The following UPF3B variants were observed in gnomAD, a reference collection of about 807,000 sequenced individuals.
UPF3B encodes the protein UPF3B regulator of nonsense mediated mRNA decay.
UPF3B carries 7 observed loss-of-function variants against 40.3 expected under a neutral mutation model. The ratio of observed to expected loss-of-function variants is 0.17; its 90% CI spans 0.10 to 0.33. The LOEUF (loss-of-function observed/expected upper bound fraction) is 0.33, where lower values mean the gene tolerates loss of function less well. Among genes scored for constraint, UPF3B ranks in the 10% least tolerant of loss-of-function variants. The probability of loss-of-function intolerance (pLI) is 1.00; values close to 1 mark genes in which losing one functional copy is unlikely to be tolerated. For synonymous variants in UPF3B, 117 were observed against 117.3 expected (o/e 1.00, Z 0.01); for missense variants, 229 against 358.9 (o/e 0.64, Z 2.93).
chrX:119,811,195 C>T (rs1045477361), intron 5 of UPF3B, among the ~76,000 whole-genome samples: 2 of 110,649 alleles, frequency 1.8e-5, no homozygotes, highest in African/African-American at 6.6e-5. Flanking sequence ...CGCGACACAA[C>T]ACACAGCAAT....
chrX:119,818,213 T>G (rs903664657), intron 4 of UPF3B, among the ~76,000 whole-genome samples: 3 of 110,431 alleles, frequency 2.7e-5, no homozygotes, highest in Non-Finnish European at 5.7e-5. Context: ...TGTGGTGAGC[T>G]GAGATCATGC....
In UPF3B at chrX:119,838,156, A is replaced by T. The variant is rs931545462; in HGVS notation, c.1008-105T>A. 2.9e-6 allele frequency: 3 copies of T among 1,050,941 alleles called. No homozygotes were observed. In the African/African-American group the frequency reaches 5.6e-5, roughly 19 times the overall value. The allele number at this position is 1,050,941 out of a possible 1,213,427, so 86.6% of individuals were successfully genotyped here. A position where few individuals can be genotyped will look rare whatever the true frequency, so the allele number is the denominator to read the frequency against. On this transcript the variant is annotated intron_variant, in intron 9 of 10. Transcript: ENST00000276201. ...GCCCCTGCAATGAGGTTGCACTTTTAGAGCAGAGTGAAAAATACTAGTGTT... is the reference window on the plus strand; with the variant it reads ...GCCCCTGCAATGAGGTTGCACTTTTTGAGCAGAGTGAAAAATACTAGTGTT...
At chrX:119,851,413 AG>A in intron 3 of UPF3B, 81 bp downstream of exon 3, 1 of 684,655 alleles carries the variant, frequency 1.5e-6, no homozygotes, top group Non-Finnish European at 2.4e-6. Context: ...GTAAAACTCT[AG>A]GAAGCAACGC....
intron 4 of UPF3B, among the ~76,000 whole-genome samples, chrX:119,820,212 A>G (rs1236970890): frequency 9.2e-6 from 1 of 108,958 alleles, no homozygotes; most frequent in Non-Finnish European, 1.9e-5. Context: ...GGTGAGATCT[A>G]GGCTCACTAC....
In UPF3B at chrX:119,851,476, T is replaced by C; in HGVS notation, c.370+19A>G. The C allele has an allele frequency of 9.0e-7, 1 of 1,116,151 alleles. No individual in the cohort carries two copies. Among genetic ancestry groups the C allele is most frequent in the East Asian group, 3.0e-5 (1 of 33,413 alleles). The allele number at this position is 1,116,151 out of a possible 1,213,427, so 92.0% of individuals were successfully genotyped here. On this transcript the variant is annotated intron_variant, in intron 3 of 10. Coordinates refer to ENST00000276201, the MANE Select transcript of UPF3B (RefSeq NM_080632.3). The stretch of plus-strand genomic sequence containing the variant: ...AATGACAAAGAAATTCCCTTTTTAC[T>C]TCAGTTACCAGGACTCACCTTTATT...
chrX:119,851,748 C>CTGTTTTTTTTTTTTTTT lies in UPF3B; in HGVS notation c.263+18_263+19insAAAAAAAAAAAAAAACA. 1 of 565,645 alleles carries CTGTTTTTTTTTTTTTTT rather than the reference C, an allele frequency of 1.8e-6. No individual in the cohort carries two copies. Among genetic ancestry groups the CTGTTTTTTTTTTTTTTT allele is most frequent in the Non-Finnish European group, 2.4e-6 (1 of 411,754 alleles). 46.6% of individuals were successfully genotyped at this position (565,645 alleles called of 1,213,427 possible). On this transcript the variant is annotated intron_variant, in intron 2 of 10. Coordinates refer to ENST00000276201, the MANE Select transcript of UPF3B (RefSeq NM_080632.3). ...GAAACCTTTTTCATTTACCCCTTTCCTTTTTTTTTTTTTTTTACCTCGTAT... is the reference window on the plus strand; with the variant it reads ...GAAACCTTTTTCATTTACCCCTTTCCTGTTTTTTTTTTTTTTTTTTTTTTTTTTTTTTTACCTCGTAT...
At chrX:119,822,733 G>A (rs922494139) in intron 4 of UPF3B, among the ~76,000 whole-genome samples, 1 of 110,587 alleles carries the variant, frequency 9.0e-6, no homozygotes, top group Non-Finnish European at 1.9e-5. Context: ...TCAGCCTCTC[G>A]AGTACCTGGG....
intron 7 of UPF3B, among the ~76,000 whole-genome samples, 161 bp from the exon 8 acceptor site, chrX:119,840,845 A>C: frequency 8.9e-6 from 1 of 111,896 alleles, no homozygotes; most frequent in Non-Finnish European, 1.9e-5. Context: ...AATGACAAAA[A>C]CAGCACAGAT....
intron 3 of UPF3B, among the ~76,000 whole-genome samples, chrX:119,823,558 C>CTTT (rs1193140140): frequency 5.0e-5 from 1 of 20,064 alleles, no homozygotes; most frequent in Non-Finnish European, 7.0e-5. Context: ...TTTTTTTCCT[C>CTTT]TTTTTTTTTT....
chrX:119,812,040 G>A (rs1285603520), intron 5 of UPF3B, among the ~76,000 whole-genome samples: 1 of 111,659 alleles, frequency 9.0e-6, no homozygotes, highest in Non-Finnish European at 1.9e-5. Context: ...CATCACTTGA[G>A]GTGAGGAATT....
chrX:119,832,505 C>T (rs2056047405), downstream of UPF3B, among the ~76,000 whole-genome samples: 3 of 111,552 alleles, frequency 2.7e-5, no homozygotes, highest in African/African-American at 9.8e-5. Flanking sequence ...GTGATCCACC[C>T]ACCGTGGCTT....
chrX:119,833,515 AATTATTTTAGAG>A (rs1234150445), downstream of UPF3B, among the ~76,000 whole-genome samples: 2 of 109,653 alleles, frequency 1.8e-5, no homozygotes, highest in Non-Finnish European at 3.8e-5. Flanking sequence ...AATTTTTAAA[AATTATTTTAGAG>A]ATGGGGTCTT....
rs771600790 is a variant in UPF3B, at chrX:119,837,943, CTCT to C, written c.1113_1115del (p.Glu372del). The C allele has an allele frequency of 7.4e-6, 9 of 1,208,931 alleles. No individual in the cohort carries two copies. Among genetic ancestry groups the C allele is most frequent in the African/African-American group, 3.5e-5 (2 of 56,905 alleles). On this transcript the variant is annotated inframe_deletion, in exon 10 of 11. Coordinates refer to ENST00000276201, the MANE Select transcript of UPF3B (RefSeq NM_080632.3). ...CATAGCGCTCCTTCTGCCTACGGCG[CTCT>C]TCTTCTTGCCGCTTCAGCCTCTCTC...
intron 3 of UPF3B, among the ~76,000 whole-genome samples, chrX:119,827,501 C>T (rs923991573): frequency 4.5e-5 from 5 of 110,431 alleles, no homozygotes; most frequent in African/African-American, 9.9e-5. Context: ...TGGGTTCAAG[C>T]GATTCTCCTG....
chrX:119,833,749 G>A (rs997067263), downstream of UPF3B, among the ~76,000 whole-genome samples: 6 of 112,124 alleles, frequency 5.4e-5, no homozygotes, highest in Admixed American at 2.9e-4. Flanking sequence ...CAAGTGATCC[G>A]CCCACCTTGG....
chrX:119,831,931 G>A (rs1170974837), downstream of UPF3B, among the ~76,000 whole-genome samples: 1 of 111,500 alleles, frequency 9.0e-6, no homozygotes. Context: ...CATCTCCAAC[G>A]AAAAGCAACC....
chrX:119,815,868 G>C (rs946984300), intron 4 of UPF3B, among the ~76,000 whole-genome samples: 2 of 111,492 alleles, frequency 1.8e-5, no homozygotes, highest in African/African-American at 6.5e-5. Context: ...TGTAACCTCT[G>C]CCTCCCGGGT....
At chrX:119,810,813 CA>C (rs1312682373) in intron 5 of UPF3B, among the ~76,000 whole-genome samples, 3 of 110,782 alleles carry the variant, frequency 2.7e-5, no homozygotes, top group African/African-American at 9.8e-5. Context: ...TAAAGGGTAC[CA>C]TTTTTTTTCC....
chrX:119,813,088 CAT>C (rs2055837552), intron 5 of UPF3B, among the ~76,000 whole-genome samples: 2 of 111,566 alleles, frequency 1.8e-5, no homozygotes, highest in African/African-American at 6.5e-5. Flanking sequence ...GCTGGGAAAA[CAT>C]AAAGTGGTGA....
Sources: gnomAD v4.1 joint callset for allele counts (sites outside exome capture counted in the v4.1 genomes callset) on GRCh38, gnomAD v4.1.1 for gene constraint, MANE v1.5 for transcripts, NCBI Gene and HGNC (gene_info 2026-07-23, HGNC 2026-07-21) for gene names.